Variants in OSBPL10 observed in about 807,000 individuals in gnomAD.
OSBPL10 encodes oxysterol binding protein like 10, also known as oxysterol-binding protein-related protein 10.
A neutral mutation model predicts 81.7 loss-of-function variants in OSBPL10; 49 were observed. The ratio of observed to expected loss-of-function variants is 0.60; its 90% CI spans 0.48 to 0.76. OSBPL10 has a LOEUF of 0.76. Ranked by LOEUF, OSBPL10 falls within the 30% of genes least tolerant of loss-of-function variation. The pLI, the probability that OSBPL10 is intolerant of heterozygous loss-of-function variation, is 0.00. For synonymous variants in OSBPL10, 419 were observed against 383.6 expected (o/e 1.09, Z -1.08); for missense variants, 923 against 987.8 (o/e 0.93, Z 0.88).
chr3:31,814,521 C>T (rs1007161197), intron 4 of OSBPL10, among the ~76,000 whole-genome samples: 1 of 152,094 alleles, frequency 6.6e-6, no homozygotes, highest in African/African-American at 2.4e-5. Flanking sequence ...GACACCGATA[C>T]GCAGGGAGAA....
chr3:31,982,348 G>T (rs1288524541), upstream of OSBPL10, among the ~76,000 whole-genome samples: 1 of 152,082 alleles, frequency 6.6e-6, no homozygotes, highest in Non-Finnish European at 1.5e-5. Flanking sequence ...GAGGAACTCA[G>T]ACTCTCTCTC....
At chr3:31,891,329 G>A (rs764308004) in intron 1 of OSBPL10, among the ~76,000 whole-genome samples, 3 of 152,168 alleles carry the variant, frequency 2.0e-5, no homozygotes, top group East Asian at 1.9e-4. Flanking sequence ...TGGAGCAGGA[G>A]AATTTGATTT....
At chr3:31,792,203 T>C (rs904278509) in intron 4 of OSBPL10, among the ~76,000 whole-genome samples, 2 of 149,082 alleles carry the variant, frequency 1.3e-5, no homozygotes, top group African/African-American at 2.5e-5. Context: ...CACTCCAGCC[T>C]GGGCAACAGA....
At chr3:31,972,419 C>G (rs1177118930) in intron 1 of OSBPL10, among the ~76,000 whole-genome samples, 1 of 151,974 alleles carries the variant, frequency 6.6e-6, no homozygotes, top group Non-Finnish European at 1.5e-5. Flanking sequence ...CCCGACTCTG[C>G]CCAGACTCTA....
rs763887988 is a variant in OSBPL10, at chr3:31,821,199, G to A, written c.729+8841C>T. Among the ~76,000 whole-genome samples, 15 of 151,976 alleles carry A rather than the reference G, an allele frequency of 9.9e-5. 1 individual carries two copies. The highest frequency in any genetic ancestry group is 2.9e-5 in the Non-Finnish European group (2 of 67,994). ...CAGTTGGACAATGAGTTGAGGATTGGTGGGGGACATATCTCGGTGTTGGGC... is the reference window on the plus strand; with the variant it reads ...CAGTTGGACAATGAGTTGAGGATTGATGGGGGACATATCTCGGTGTTGGGC... On this transcript the variant is annotated intron_variant, in intron 4 of 11. Coordinates refer to ENST00000396556, the MANE Select transcript of OSBPL10 (RefSeq NM_017784.5).
intron 4 of OSBPL10, among the ~76,000 whole-genome samples, chr3:31,766,492 A>G (rs966798661): frequency 1.6e-4 from 25 of 151,906 alleles, no homozygotes; most frequent in African/African-American, 6.0e-4. Flanking sequence ...ATAGGCTCAC[A>G]CCATGACACC....
At chr3:32,022,560 T>C (rs1479197954) in intron 2 of OSBPL10, among the ~76,000 whole-genome samples, 3 of 152,066 alleles carry the variant, frequency 2.0e-5, no homozygotes, top group Non-Finnish European at 4.4e-5. Context: ...CTGAGGCGGA[T>C]GGATTGCTTG....
intron 3 of OSBPL10, among the ~76,000 whole-genome samples, chr3:31,859,607 C>T (rs929561645): frequency 4.6e-5 from 7 of 152,216 alleles, no homozygotes; most frequent in African/African-American, 1.7e-4. Flanking sequence ...TGCCCTTTCA[C>T]TTTCTGCCAT....
chr3:31,806,931 G>A (rs1699535692), intron 4 of OSBPL10, among the ~76,000 whole-genome samples: 1 of 152,082 alleles, frequency 6.6e-6, no homozygotes, highest in South Asian at 2.1e-4. Flanking sequence ...ACAGGGGTCT[G>A]GGAGGGAGGA....
intron 3 of OSBPL10, among the ~76,000 whole-genome samples, chr3:31,865,523 T>C (rs34348860): frequency 0.27 from 41,794 of 152,012 alleles, 5,889 homozygotes; most frequent in African/African-American, 0.3. Context: ...GTGTCTTCCC[T>C]AAAATTCATT....
At chr3:31,994,822 C>T (rs1699072403) in intron 2 of OSBPL10, among the ~76,000 whole-genome samples, 1 of 152,138 alleles carries the variant, frequency 6.6e-6, no homozygotes, top group East Asian at 1.9e-4. Flanking sequence ...GGGGAACTTG[C>T]CCCCAATATT....
chr3:32,012,244 T>C (rs1363534669), intron 2 of OSBPL10, among the ~76,000 whole-genome samples: 1 of 152,214 alleles, frequency 6.6e-6, no homozygotes, highest in Non-Finnish European at 1.5e-5. Flanking sequence ...AGCTGATCTC[T>C]CGGCAGAAAC....
chr3:32,033,908 T>C (rs1298816244), intron 2 of OSBPL10, among the ~76,000 whole-genome samples: 1 of 152,140 alleles, frequency 6.6e-6, no homozygotes, highest in Non-Finnish European at 1.5e-5. Flanking sequence ...ATTCTCACAC[T>C]GTTATGAAGA....
At chr3:31,931,981 G>A (rs1043090829) in intron 1 of OSBPL10, among the ~76,000 whole-genome samples, 1 of 152,078 alleles carries the variant, frequency 6.6e-6, no homozygotes, top group Admixed American at 6.5e-5. Context: ...GGCAGAGGTT[G>A]CAGTGAGCCA....
rs958643381 is a variant in OSBPL10, at chr3:31,814,532, C to T, written c.729+15508G>A. 1.1e-4 allele frequency among the ~76,000 whole-genome samples: 16 copies of T among 152,082 alleles called. No individual in the cohort carries two copies. The East Asian group carries it at 1.5e-3, about 15-fold the overall frequency. ...CAGAGACACCGATACGCAGGGAGAA[C>T]GCCACAGGACACAGGTGCCCGAAGC... On this transcript the variant is annotated intron_variant, in intron 4 of 11. Coordinates refer to ENST00000396556, the MANE Select transcript of OSBPL10 (RefSeq NM_017784.5).
intron 1 of OSBPL10, among the ~76,000 whole-genome samples, chr3:31,912,430 T>C (rs936033704): frequency 3.3e-5 from 5 of 151,214 alleles, no homozygotes; most frequent in Non-Finnish European, 5.9e-5. Flanking sequence ...ATAGTGATAG[T>C]CACGGGGTCG....
At chr3:31,890,838 T>C (rs1695873830) in intron 1 of OSBPL10, among the ~76,000 whole-genome samples, 1 of 152,180 alleles carries the variant, frequency 6.6e-6, no homozygotes, top group Admixed American at 6.5e-5. Context: ...TTATTCTTGA[T>C]ACTGACGATG....
At chr3:32,073,044 C>T (rs1217734231) in intron 1 of OSBPL10, among the ~76,000 whole-genome samples, 1 of 152,174 alleles carries the variant, frequency 6.6e-6, no homozygotes, top group East Asian at 1.9e-4. Flanking sequence ...TTTAAAGACA[C>T]ACCTCACCAA....
At chr3:31,805,344 A>G (rs1377375084) in intron 4 of OSBPL10, among the ~76,000 whole-genome samples, 3 of 152,160 alleles carry the variant, frequency 2.0e-5, no homozygotes, top group Non-Finnish European at 4.4e-5. Context: ...ATATAGTCGT[A>G]TCTCTCTCTA....
Sources: allele counts gnomAD v4.1 joint callset (sites outside exome capture counted in the v4.1 genomes callset), GRCh38; gene constraint gnomAD v4.1.1; transcripts MANE v1.5; gene names NCBI Gene and HGNC (gene_info 2026-07-23, HGNC 2026-07-21).